Variants in CCDC148 observed in about 807,000 individuals in gnomAD.
CCDC148 encodes the protein coiled-coil domain-containing protein 148.
A neutral mutation model predicts 85.7 loss-of-function variants in CCDC148; 89 were observed. That is an observed-to-expected ratio of 1.04 (90% CI 0.87 to 1.24). CCDC148 has a LOEUF of 1.24. Among genes scored for constraint, CCDC148 ranks in the 50% most tolerant of loss-of-function variants. The probability of loss-of-function intolerance (pLI) is 0.00; values close to 1 mark genes in which losing one functional copy is unlikely to be tolerated. For missense variants in CCDC148, 692 were observed against 671.7 expected, an observed-to-expected ratio of 1.03 and a Z score of -0.33; for synonymous variants, 230 against 213.9, an observed-to-expected ratio of 1.08 and a Z score of -0.66.
chr2:158,408,675 A>G (rs1471356607), intron 1 of CCDC148, among the ~76,000 whole-genome samples: 1 of 152,102 alleles, frequency 6.6e-6, no homozygotes, highest in African/African-American at 2.4e-5. Flanking sequence ...ATTGATGGAC[A>G]TTTAGATTGT....
intron 11 of CCDC148, among the ~76,000 whole-genome samples, chr2:158,203,731 CA>C (rs1686087441): frequency 6.6e-6 from 1 of 151,980 alleles, no homozygotes; most frequent in South Asian, 2.1e-4. Context: ...CTATAGCTAT[CA>C]AAAGATGAAA....
At chr2:158,227,153 A>C (rs1687585496) in intron 10 of CCDC148, among the ~76,000 whole-genome samples, 1 of 152,198 alleles carries the variant, frequency 6.6e-6, no homozygotes, top group Non-Finnish European at 1.5e-5. Flanking sequence ...GCATTCCCAT[A>C]CACCAATAAC....
chr2:158,295,307 T>C (rs1381174716), intron 9 of CCDC148, among the ~76,000 whole-genome samples: 1 of 152,070 alleles, frequency 6.6e-6, no homozygotes, highest in African/African-American at 2.4e-5. Context: ...AAGGAGGAAC[T>C]GGAACCATTC....
chr2:158,194,936 T>A (rs1685596032), intron 11 of CCDC148, among the ~76,000 whole-genome samples: 1 of 151,904 alleles, frequency 6.6e-6, no homozygotes, highest in African/African-American at 2.4e-5. Flanking sequence ...CCCTGATAAT[T>A]GTGCATGTCC....
At chr2:158,325,959 A>G (rs753170465) in intron 7 of CCDC148, among the ~76,000 whole-genome samples, 3 of 152,170 alleles carry the variant, frequency 2.0e-5, no homozygotes, top group Non-Finnish European at 4.4e-5. Flanking sequence ...TCTTAAACAC[A>G]GTAACTGCCA....
Position 158,343,268 on chromosome 2 carries a change from G to C in CCDC148, c.251+1947C>G, listed in dbSNP as rs573378735. On this transcript the variant is annotated intron_variant, in intron 3 of 13. Transcript: ENST00000283233. ...CAGAATCCTGTAGAAAAAGGAAAAA[G>C]CTACTCAACTCCAAGGTCATAGAGC... 7.2e-5 allele frequency among the ~76,000 whole-genome samples: 11 copies of C among 152,206 alleles called. No individual in the cohort carries two copies. The East Asian group carries it at 2.1e-3, about 29-fold the overall frequency.
At chr2:158,325,737 T>C (rs1452804294) in intron 7 of CCDC148, among the ~76,000 whole-genome samples, 1 of 152,176 alleles carries the variant, frequency 6.6e-6, no homozygotes, top group South Asian at 2.1e-4. Flanking sequence ...CCCATCTAAG[T>C]TGATGGCAAC....
At chr2:158,382,931 A>G (rs2356091) in intron 1 of CCDC148, among the ~76,000 whole-genome samples, 2 of 151,800 alleles carry the variant, frequency 1.3e-5, no homozygotes, top group African/African-American at 4.8e-5. Context: ...ACAAAAAAAA[A>G]CCACAATAAC....
rs1488264895 is a variant in CCDC148, at chr2:158,240,965, G to A, written c.1251+9807C>T. Among the ~76,000 whole-genome samples the A allele has an allele frequency of 3.9e-5, 6 of 152,178 alleles. No individual in the cohort carries two copies. In the East Asian group the frequency reaches 1.2e-3, roughly 29 times the overall value. On this transcript the variant is annotated intron_variant, in intron 10 of 13. Transcript: ENST00000283233. ...GTTAGCATAAGAGTATTCACACTAG[G>A]AAGCAGTCAGACCAGCATGGGTGAG... is the stretch of plus-strand genomic sequence containing the variant.
At chr2:158,302,465 C>T (rs1217225443) in intron 9 of CCDC148, among the ~76,000 whole-genome samples, 1 of 152,044 alleles carries the variant, frequency 6.6e-6, no homozygotes. Flanking sequence ...AGGCAGCACT[C>T]AGCCACCCAG....
At chr2:158,330,399 A>G (rs2105231058) in intron 7 of CCDC148, among the ~76,000 whole-genome samples, 1 of 152,288 alleles carries the variant, frequency 6.6e-6, no homozygotes, top group East Asian at 1.9e-4. Context: ...GTACTGCAGG[A>G]TTCAGTTTGC....
chr2:158,341,118 C>T (rs1374737424), intron 3 of CCDC148, among the ~76,000 whole-genome samples: 2 of 152,004 alleles, frequency 1.3e-5, no homozygotes, highest in Non-Finnish European at 2.9e-5. Flanking sequence ...AAGGATGAGA[C>T]CCTGAATTAC....
At chr2:158,367,803 T>C (rs76710324) in intron 1 of CCDC148, among the ~76,000 whole-genome samples, 12 of 152,318 alleles carry the variant, frequency 7.9e-5, no homozygotes, top group Non-Finnish European at 1.5e-4. Context: ...TAATTTCTAC[T>C]TGCCTTTCAA....
At chr2:158,376,946 G>T (rs1344552549) in intron 1 of CCDC148, among the ~76,000 whole-genome samples, 1 of 151,942 alleles carries the variant, frequency 6.6e-6, no homozygotes, top group Non-Finnish European at 1.5e-5. Flanking sequence ...AGTGACTGAG[G>T]ATGAGCAGCT....
chr2:158,391,253 TA>T (rs1321787426), intron 1 of CCDC148, among the ~76,000 whole-genome samples: 1 of 152,158 alleles, frequency 6.6e-6, no homozygotes, highest in African/African-American at 2.4e-5. Context: ...AATAATGTAA[TA>T]AAAAATATTT....
chr2:158,378,550 G>T (rs1341130589), intron 1 of CCDC148, among the ~76,000 whole-genome samples: 1 of 152,150 alleles, frequency 6.6e-6, no homozygotes, highest in African/African-American at 2.4e-5. Context: ...TATGCTGAAA[G>T]AAAATGCCAT....
intron 7 of CCDC148, among the ~76,000 whole-genome samples, chr2:158,338,417 C>G (rs1682499131): frequency 6.6e-6 from 1 of 152,110 alleles, no homozygotes; most frequent in Non-Finnish European, 1.5e-5. Flanking sequence ...AGCTTCACAT[C>G]TTGAAAAGAA....
At chr2:158,266,965 T>C (rs1533783) in intron 9 of CCDC148, among the ~76,000 whole-genome samples, 7,716 of 151,014 alleles carry the variant, frequency 0.051, 316 homozygotes, top group East Asian at 0.14. Context: ...TATATATATA[T>C]ACACATATAT....
intron 1 of CCDC148, among the ~76,000 whole-genome samples, chr2:158,375,857 A>G (rs1574717286): frequency 6.6e-6 from 1 of 152,284 alleles, no homozygotes; most frequent in East Asian, 1.9e-4. Context: ...AAAGATTCAT[A>G]CTAACTGTTG....
Sources: gnomAD v4.1 joint callset for allele counts (sites outside exome capture counted in the v4.1 genomes callset) on GRCh38, gnomAD v4.1.1 for gene constraint, MANE v1.5 for transcripts, NCBI Gene and HGNC (gene_info 2026-07-23, HGNC 2026-07-21) for gene names.